Variants in SCRG1 observed in about 807,000 individuals in gnomAD.
SCRG1 encodes stimulator of chondrogenesis 1, also known as scrapie-responsive protein 1.
Under a neutral mutation model 7.7 loss-of-function variants are expected in SCRG1, and 3 were observed. The ratio of observed to expected loss-of-function variants is 0.39; its 90% confidence interval spans 0.18 to 1.01. The LOEUF is 1.01. Among genes scored for constraint, SCRG1 ranks in the 50% least tolerant of loss-of-function variants. The pLI is 0.36. For missense variants in SCRG1, 110 were observed against 117.2 expected (o/e 0.94, Z 0.28); for synonymous variants, 46 against 41.2 (o/e 1.12, Z -0.44).
chr4:173,389,204 T>C (rs574223075), intron 2 of SCRG1, among the ~76,000 whole-genome samples: 28 of 152,336 alleles, frequency 1.8e-4, no homozygotes, highest in African/African-American at 6.3e-4. Context: ...AACTTTACTA[T>C]GCATTAGAAT....
chr4:173,401,286 T>TCTGTG (rs1739755382), upstream of SCRG1, among the ~76,000 whole-genome samples: 1 of 152,222 alleles, frequency 6.6e-6, no homozygotes, highest in African/African-American at 2.4e-5. Flanking sequence ...TCTTACTAAA[T>TCTGTG]AAAGATGATG....
chr4:173,454,300 G>A, the SCRG1 span, among the ~76,000 whole-genome samples: 1 of 152,048 alleles, frequency 6.6e-6, no homozygotes, highest in African/African-American at 2.4e-5. Flanking sequence ...TTTCTGGAAG[G>A]CCTGGAGAAA....
At chr4:173,484,171 A>T in the SCRG1 span, among the ~76,000 whole-genome samples, 3 of 51,262 alleles carry the variant, frequency 5.9e-5, no homozygotes, top group African/African-American at 2.2e-4. Flanking sequence ...CATTATATAT[A>T]ATATATAATA....
the SCRG1 span, among the ~76,000 whole-genome samples, chr4:173,413,304 T>C: frequency 6.6e-6 from 1 of 152,128 alleles, no homozygotes; most frequent in African/African-American, 2.4e-5. Context: ...CTTGTGAGGA[T>C]AGGCAGGGCA....
the SCRG1 span, among the ~76,000 whole-genome samples, chr4:173,435,733 C>A: frequency 6.6e-6 from 1 of 152,130 alleles, no homozygotes; most frequent in Non-Finnish European, 1.5e-5. Context: ...AAAGGAGAGT[C>A]TTGAGGTTTT....
the SCRG1 span, among the ~76,000 whole-genome samples, chr4:173,443,526 A>G: frequency 6.6e-6 from 1 of 152,236 alleles, no homozygotes; most frequent in Non-Finnish European, 1.5e-5. Flanking sequence ...TAGGTGTCTC[A>G]TGAAACATTT....
chr4:173,501,291 C>A, the SCRG1 span, among the ~76,000 whole-genome samples: 2 of 152,200 alleles, frequency 1.3e-5, no homozygotes, highest in Non-Finnish European at 2.9e-5. This position sits in a 1 kb window ranked among gnomAD's most constrained non-coding sequence, Gnocchi z 5.1. Flanking sequence ...ATAATGACGT[C>A]GGGATTGGCT....
the SCRG1 span, among the ~76,000 whole-genome samples, chr4:173,484,135 T>C: frequency 3.3e-4 from 5 of 15,224 alleles, no homozygotes; most frequent in Non-Finnish European, 6.8e-4. Flanking sequence ...ATATAATATA[T>C]AATATAGAAT....
chr4:173,389,536 AAAACAAACAAAC>A (rs57097016), intron 2 of SCRG1: 116 of 185,808 alleles, frequency 6.2e-4, no homozygotes, highest in African/African-American at 1.5e-3. Context: ...ATTCCGTCTC[AAAACAAACAAAC>A]AAACAAACAA....
intron 2 of SCRG1, among the ~76,000 whole-genome samples, chr4:173,389,333 G>C (rs1402426031): frequency 6.6e-6 from 1 of 152,076 alleles, no homozygotes; most frequent in Non-Finnish European, 1.5e-5. Flanking sequence ...AGGATATCGA[G>C]ACCATCCTGA....
chr4:173,461,239 T>C, the SCRG1 span, among the ~76,000 whole-genome samples: 17 of 152,332 alleles, frequency 1.1e-4, no homozygotes, highest in East Asian at 2.3e-3. Flanking sequence ...ACAGTAGTCA[T>C]GGAGTGGTTA....
the SCRG1 span, among the ~76,000 whole-genome samples, chr4:173,476,840 A>G: frequency 1.3e-5 from 2 of 152,198 alleles, no homozygotes; most frequent in South Asian, 4.1e-4. Context: ...AAAAAATAAT[A>G]AAAAATTAAA....
the SCRG1 span, among the ~76,000 whole-genome samples, chr4:173,485,948 C>T: frequency 6.6e-6 from 1 of 152,088 alleles, no homozygotes; most frequent in African/African-American, 2.4e-5. Context: ...CCAGCCTGGG[C>T]AACAGAATGA....
chr4:173,488,812 G>C, the SCRG1 span, among the ~76,000 whole-genome samples: 1 of 152,200 alleles, frequency 6.6e-6, no homozygotes, highest in Admixed American at 6.5e-5. Flanking sequence ...TAACATTAAT[G>C]AGTGTGTTTT....
chr4:173,402,539 G>C (rs374822156), upstream of SCRG1, among the ~76,000 whole-genome samples: 2 of 151,786 alleles, frequency 1.3e-5, no homozygotes, highest in East Asian at 3.9e-4. Flanking sequence ...GAAGTCTGAA[G>C]AGATGTCTCA....
the SCRG1 span, among the ~76,000 whole-genome samples, chr4:173,421,414 GTT>G: frequency 5.5e-3 from 788 of 142,436 alleles, 8 homozygotes; most frequent in East Asian, 0.023. Flanking sequence ...GGTTTAGTTT[GTT>G]GGGGGGGGGT....
the SCRG1 span, among the ~76,000 whole-genome samples, chr4:173,439,023 C>T: frequency 6.6e-6 from 1 of 151,912 alleles, no homozygotes; most frequent in Non-Finnish European, 1.5e-5. Flanking sequence ...GATGTATACA[C>T]TTCTGGGGCT....
chr4:173,389,281 T>A (rs778920963), intron 2 of SCRG1, among the ~76,000 whole-genome samples: 15 of 152,126 alleles, frequency 9.9e-5, no homozygotes, highest in Non-Finnish European at 2.1e-4. Context: ...ACGCCTGTAA[T>A]CCCAGCACTT....
chr4:173,466,142 A>G, the SCRG1 span, among the ~76,000 whole-genome samples: 1 of 152,318 alleles, frequency 6.6e-6, no homozygotes, highest in East Asian at 1.9e-4. Context: ...GTGCAACTTC[A>G]GAGAGCTTAC....
Sources: gnomAD v4.1 joint callset for allele counts (sites outside exome capture counted in the v4.1 genomes callset) on GRCh38, gnomAD v4.1.1 for gene constraint, Gnocchi (gnomAD v3.1) non-coding constraint, MANE v1.5 for transcripts, NCBI Gene and HGNC (gene_info 2026-07-23, HGNC 2026-07-21) for gene names.